FOXP2: variants seen among roughly 807,000 people sequenced by gnomAD.
The protein encoded by FOXP2 is forkhead box protein P2.
Under a neutral mutation model 115.8 loss-of-function variants are expected in FOXP2, and 12 were observed. The ratio of observed to expected loss-of-function variants is 0.10; its 90% CI spans 0.07 to 0.17. The LOEUF is 0.17. Among genes scored for constraint, FOXP2 ranks in the 10% least tolerant of loss-of-function variants. The pLI is 1.00. For synonymous variants in FOXP2, 328 were observed against 297.7 expected (o/e 1.10, Z -1.05); for missense variants, 629 against 843.5 (o/e 0.75, Z 3.15).
chr7:114,625,630 C>T (rs943324865), intron 3 of FOXP2, among the ~76,000 whole-genome samples: 2 of 151,426 alleles, frequency 1.3e-5, no homozygotes, highest in Non-Finnish European at 3.0e-5. Context: ...TAACAAGAAA[C>T]GATGAGGGAG....
chr7:114,212,122 A>AATAAAATATAT (rs67192679), intron 1 of FOXP2, among the ~76,000 whole-genome samples: 1 of 131,014 alleles, frequency 7.6e-6, no homozygotes, highest in Admixed American at 7.8e-5. Context: ...AATAAAATAA[A>AATAAAATATAT]ATATATATAT....
intron 1 of FOXP2, among the ~76,000 whole-genome samples, chr7:114,097,703 T>G (rs1294270569): frequency 6.6e-6 from 1 of 152,206 alleles, no homozygotes; most frequent in Non-Finnish European, 1.5e-5. Context: ...TTTGCTCTCA[T>G]ACTGCCTTTC....
chr7:114,271,623 ATAT>A (rs1562847280), intron 1 of FOXP2, among the ~76,000 whole-genome samples: 3 of 122,194 alleles, frequency 2.5e-5, no homozygotes, highest in African/African-American at 3.2e-5. Flanking sequence ...ATAAATAATT[ATAT>A]TATTAATATA....
intron 2 of FOXP2, among the ~76,000 whole-genome samples, chr7:114,292,374 C>T (rs1584613019): frequency 1.3e-5 from 2 of 152,132 alleles, no homozygotes; most frequent in African/African-American, 4.8e-5. Flanking sequence ...TCCCAGCAGA[C>T]TATTCCTCTT....
At chr7:114,489,885 G>A (rs1796956233) in intron 2 of FOXP2, among the ~76,000 whole-genome samples, 2 of 152,098 alleles carry the variant, frequency 1.3e-5, no homozygotes, top group South Asian at 4.1e-4. Context: ...AGATATTGCT[G>A]TGTATCTACT....
intron 3 of FOXP2, among the ~76,000 whole-genome samples, chr7:114,620,157 T>C (rs992453468): frequency 3.3e-5 from 5 of 151,984 alleles, no homozygotes; most frequent in Non-Finnish European, 7.4e-5. Context: ...GGACAAGTGA[T>C]TTAAATTGCT....
chr7:114,494,015 A>T (rs900738271), intron 2 of FOXP2, among the ~76,000 whole-genome samples: 3 of 152,080 alleles, frequency 2.0e-5, no homozygotes, highest in Non-Finnish European at 2.9e-5. Flanking sequence ...TGTCAGAATG[A>T]GGGTTTTTGA....
At chr7:114,583,670 AT>A (rs1191067726) in intron 3 of FOXP2, among the ~76,000 whole-genome samples, 4 of 152,240 alleles carry the variant, frequency 2.6e-5, no homozygotes, top group African/African-American at 9.6e-5. Context: ...CTGTTCACCG[AT>A]GATATTTCTG....
intron 6 of FOXP2, among the ~76,000 whole-genome samples, chr7:114,637,913 A>C (rs1461384674): frequency 6.6e-6 from 1 of 152,112 alleles, no homozygotes; most frequent in Non-Finnish European, 1.5e-5. Context: ...TAATGATAAT[A>C]ATGGTTTGGG....
At chr7:114,631,755 C>A in intron 6 of FOXP2, 50 bp downstream of exon 6, 1 of 1,587,316 alleles carries the variant, frequency 6.3e-7, no homozygotes, top group Non-Finnish European at 8.6e-7. Context: ...GTACTTTCTA[C>A]CATTTCATGG....
chr7:114,243,672 G>A (rs149575680), intron 1 of FOXP2, among the ~76,000 whole-genome samples: 2,246 of 152,066 alleles, frequency 0.015, 26 homozygotes, highest in African/African-American at 0.025. Context: ...CTCCCTTTCC[G>A]AATTGGGTTG....
chr7:114,436,251 C>G (rs1207136823), intron 2 of FOXP2, among the ~76,000 whole-genome samples: 1 of 151,660 alleles, frequency 6.6e-6, no homozygotes, highest in South Asian at 2.1e-4. Flanking sequence ...TATCACTCTT[C>G]GTCTTTTGTA....
chr7:114,379,827 TG>T (rs1400123211), intron 2 of FOXP2, among the ~76,000 whole-genome samples: 7 of 152,194 alleles, frequency 4.6e-5, no homozygotes, highest in African/African-American at 1.7e-4. Context: ...GGCCATCTGA[TG>T]GGTGCTATCA....
intron 2 of FOXP2, among the ~76,000 whole-genome samples, chr7:114,314,087 T>C (rs2067236045): frequency 6.6e-6 from 1 of 151,974 alleles, no homozygotes; most frequent in Non-Finnish European, 1.5e-5. Flanking sequence ...ATACATGCTA[T>C]TATGGATTAA....
At chr7:114,560,640 T>G (rs773064952) in intron 3 of FOXP2, among the ~76,000 whole-genome samples, 1 of 152,018 alleles carries the variant, frequency 6.6e-6, no homozygotes, top group Non-Finnish European at 1.5e-5. Flanking sequence ...AAAAAAGAAC[T>G]GAAATTATAA....
intron 3 of FOXP2, among the ~76,000 whole-genome samples, chr7:114,556,787 C>T (rs1186966601): frequency 6.6e-6 from 1 of 152,118 alleles, no homozygotes. Flanking sequence ...ACAACAAATG[C>T]ACTTCAGAAT....
At chr7:114,270,329 C>CT (rs1176910837) in intron 1 of FOXP2, among the ~76,000 whole-genome samples, 1 of 152,092 alleles carries the variant, frequency 6.6e-6, no homozygotes, top group Non-Finnish European at 1.5e-5. Context: ...GTTCATTTGG[C>CT]TAAATACCAA....
intron 1 of FOXP2, among the ~76,000 whole-genome samples, chr7:114,268,587 T>G (rs1795956799): frequency 6.6e-6 from 1 of 152,198 alleles, no homozygotes. Context: ...TCCTTCTTAC[T>G]AGGGCTGTAA....
chr7:114,617,519 C>A (rs1163145532), intron 3 of FOXP2, among the ~76,000 whole-genome samples: 1 of 152,136 alleles, frequency 6.6e-6, no homozygotes, highest in Non-Finnish European at 1.5e-5. Flanking sequence ...CTTGGCTGGG[C>A]GAGGCGGCTC....
Sources: allele counts gnomAD v4.1 joint callset (sites outside exome capture counted in the v4.1 genomes callset), GRCh38; gene constraint gnomAD v4.1.1; transcripts MANE v1.5; gene names NCBI Gene and HGNC (gene_info 2026-07-23, HGNC 2026-07-21).